Variants in ZFHX3 observed in about 807,000 individuals in gnomAD.
ZFHX3 encodes the protein zinc finger homeobox protein 3.
A neutral mutation model predicts 279.1 loss-of-function variants in ZFHX3; 42 were observed. The observed-to-expected ratio is 0.15, with a 90% CI of 0.12 to 0.19. The LOEUF (loss-of-function observed/expected upper bound fraction) is 0.19, where lower values mean the gene tolerates loss of function less well. ZFHX3 is among the 10% of genes least tolerant of loss of function. The pLI is 1.00. For missense variants in ZFHX3, 4,981 were observed against 4,754.0 expected (o/e 1.05, Z -1.40); for synonymous variants, 2,293 against 1,957.8 (o/e 1.17, Z -4.52).
chr16:73,231,169 C>T (rs913863065), intron 5 of ZFHX3, among the ~76,000 whole-genome samples: 1 of 152,184 alleles, frequency 6.6e-6, no homozygotes, highest in Non-Finnish European at 1.5e-5. Context: ...TACCACTCCC[C>T]GGGACACAGG....
chr16:73,452,112 A>G (rs2018289987), intron 3 of ZFHX3, among the ~76,000 whole-genome samples: 1 of 152,246 alleles, frequency 6.6e-6, no homozygotes, highest in South Asian at 2.1e-4. Flanking sequence ...TAAAGATTAC[A>G]AAATTCAGTC....
intron 1 of ZFHX3, among the ~76,000 whole-genome samples, chr16:73,046,402 G>A (rs1965305487): frequency 1.3e-5 from 2 of 152,114 alleles, no homozygotes; most frequent in South Asian, 4.2e-4. Context: ...AGGTTACCTT[G>A]GAAGGTGTAT....
chr16:73,314,963 C>T (rs2015408520), intron 4 of ZFHX3, among the ~76,000 whole-genome samples: 2 of 152,312 alleles, frequency 1.3e-5, no homozygotes, highest in South Asian at 4.1e-4. Flanking sequence ...CGTGATGGCT[C>T]ACGCCTGTAA....
intron 1 of ZFHX3, among the ~76,000 whole-genome samples, chr16:73,765,529 G>A (rs752178550): frequency 1.3e-5 from 2 of 152,146 alleles, no homozygotes; most frequent in Non-Finnish European, 2.9e-5. Flanking sequence ...CATGGCTCTT[G>A]GGCCCAATGC....
At chr16:73,751,922 T>C (rs1231689365) in intron 1 of ZFHX3, among the ~76,000 whole-genome samples, 1 of 152,174 alleles carries the variant, frequency 6.6e-6, no homozygotes, top group Non-Finnish European at 1.5e-5. Context: ...TACAGCCTGG[T>C]CTTATGAGAA....
At chr16:73,750,972 G>A (rs1446691412) in intron 1 of ZFHX3, among the ~76,000 whole-genome samples, 1 of 152,180 alleles carries the variant, frequency 6.6e-6, no homozygotes, top group Non-Finnish European at 1.5e-5. Flanking sequence ...GGGGCCTAGA[G>A]GTCTACTGGC....
intron 3 of ZFHX3, among the ~76,000 whole-genome samples, chr16:73,399,260 T>C (rs1029617771): frequency 2.6e-5 from 4 of 152,120 alleles, no homozygotes; most frequent in African/African-American, 9.7e-5. Context: ...TGGAATTAAT[T>C]TTTAGAAAGG....
intron 1 of ZFHX3, among the ~76,000 whole-genome samples, chr16:73,833,100 A>C (rs910576510): frequency 6.6e-6 from 1 of 152,232 alleles, no homozygotes; most frequent in African/African-American, 2.4e-5. Flanking sequence ...AAATTTATTT[A>C]GCTTATAATC....
chr16:73,269,435 A>G (rs1487308253), intron 4 of ZFHX3, among the ~76,000 whole-genome samples: 1 of 152,168 alleles, frequency 6.6e-6, no homozygotes, highest in Non-Finnish European at 1.5e-5. Flanking sequence ...ATTTTTTGTT[A>G]GCGACTTCTT....
intron 2 of ZFHX3, among the ~76,000 whole-genome samples, chr16:73,527,536 C>T (rs1173163237): frequency 6.6e-6 from 1 of 152,176 alleles, no homozygotes; most frequent in East Asian, 1.9e-4. Context: ...ATGTCACTCC[C>T]TCCCCTTGAG....
chr16:73,145,682 C>T (rs556846133), intron 5 of ZFHX3, among the ~76,000 whole-genome samples: 42 of 152,320 alleles, frequency 2.8e-4, no homozygotes, highest in Admixed American at 6.5e-4. Flanking sequence ...AGGTGGATTG[C>T]GGTGACGCAT....
chr16:73,469,842 T>A (rs1205787884), intron 2 of ZFHX3, among the ~76,000 whole-genome samples: 1 of 152,102 alleles, frequency 6.6e-6, no homozygotes. Flanking sequence ...GGTCTCGAAC[T>A]CCTGACCTCG....
At chr16:73,685,311 C>A (rs2053071213) in intron 1 of ZFHX3, among the ~76,000 whole-genome samples, 1 of 152,130 alleles carries the variant, frequency 6.6e-6, no homozygotes, top group South Asian at 2.1e-4. Context: ...CCACCACGCT[C>A]AGCCCACAAG....
chr16:73,881,574 T>TA (rs763694111), intron 1 of ZFHX3, among the ~76,000 whole-genome samples: 1 of 151,086 alleles, frequency 6.6e-6, no homozygotes, highest in Non-Finnish European at 1.5e-5. Context: ...GTTCCATTTT[T>TA]ATCTGTTTAG....
At chr16:73,241,781 A>C (rs1175622579) in intron 5 of ZFHX3, among the ~76,000 whole-genome samples, 1 of 121,206 alleles carries the variant, frequency 8.3e-6, no homozygotes, top group Non-Finnish European at 1.7e-5. Flanking sequence ...TAAGAGCAAA[A>C]CTCCGTCTCA....
At chr16:73,510,106 G>A (rs755835692) in intron 2 of ZFHX3, among the ~76,000 whole-genome samples, 10 of 151,984 alleles carry the variant, frequency 6.6e-5, no homozygotes, top group South Asian at 2.1e-4. Context: ...GCTCCTTCTC[G>A]TCATTCTCAT....
At chr16:73,855,819 C>T (rs1235301657) in intron 1 of ZFHX3, among the ~76,000 whole-genome samples, 1 of 152,162 alleles carries the variant, frequency 6.6e-6, no homozygotes, top group Non-Finnish European at 1.5e-5. Context: ...TCAGCAAAGG[C>T]ATCCCAAAGT....
At position 73,396,672 on chromosome 16, in the gene ZFHX3, G is replaced by A. The variant is rs964245772; in HGVS notation, c.-1291+59331C>T. Reference sequence around the variant, plus strand: ...GTGCCAGACTCTTATCAAACAACCAGATCTTGTGAGAACTCCCTCACTATC... The same window carrying A: ...GTGCCAGACTCTTATCAAACAACCAAATCTTGTGAGAACTCCCTCACTATC... On this transcript the variant is annotated intron_variant, in intron 3 of 17. Coordinates refer to the ZFHX3 transcript ENST00000641206. Among the ~76,000 whole-genome samples the A allele has an allele frequency of 3.3e-5, 5 of 152,266 alleles. No homozygotes were observed. In the Middle Eastern group the frequency reaches 0.01, roughly 311 times the overall value.
chr16:73,343,205 A>G (rs1046990396), intron 3 of ZFHX3, among the ~76,000 whole-genome samples: 5 of 152,192 alleles, frequency 3.3e-5, no homozygotes, highest in Admixed American at 2.6e-4. Context: ...GGAAAGTATC[A>G]GTATGTTTCA....
Sources: gnomAD v4.1 joint callset for allele counts (sites outside exome capture counted in the v4.1 genomes callset) on GRCh38, gnomAD v4.1.1 for gene constraint, MANE v1.5 for transcripts, NCBI Gene and HGNC (gene_info 2026-07-23, HGNC 2026-07-21) for gene names.